Variants in LRRC4C observed in about 807,000 individuals in gnomAD.
LRRC4C encodes leucine-rich repeat-containing protein 4C.
In LRRC4C, 5 loss-of-function variants were observed where a neutral mutation model predicts 33.6. The ratio of observed to expected loss-of-function variants is 0.15; its 90% CI spans 0.08 to 0.31. The LOEUF (loss-of-function observed/expected upper bound fraction) is 0.31. LRRC4C is among the 10% of genes least tolerant of loss of function. LRRC4C has a pLI of 1.00. For synonymous variants in LRRC4C, 329 were observed against 302.0 expected, an observed-to-expected ratio of 1.09 and a Z score of -0.93; for missense variants, 560 against 796.7, an observed-to-expected ratio of 0.70 and a Z score of 3.58.
intron 1 of LRRC4C, among the ~76,000 whole-genome samples, chr11:40,961,729 G>T (rs1256917437): frequency 6.6e-6 from 1 of 151,576 alleles, no homozygotes; most frequent in Non-Finnish European, 1.5e-5. Flanking sequence ...GGAAATTTCT[G>T]TTCTCTCAGG....
intron 3 of LRRC4C, among the ~76,000 whole-genome samples, chr11:40,584,674 G>C (rs1958630455): frequency 6.6e-6 from 1 of 152,144 alleles, no homozygotes; most frequent in Admixed American, 6.5e-5. Context: ...GCTCATGCCT[G>C]TAATCCCAGA....
chr11:40,926,905 T>G (rs1046854130), intron 2 of LRRC4C, among the ~76,000 whole-genome samples: 2 of 152,180 alleles, frequency 1.3e-5, no homozygotes, highest in African/African-American at 4.8e-5. Context: ...TAAGGATGGT[T>G]ATGTTTGTCA....
At chr11:40,779,710 A>C (rs1950142267) in intron 2 of LRRC4C, among the ~76,000 whole-genome samples, 1 of 152,194 alleles carries the variant, frequency 6.6e-6, no homozygotes, top group African/African-American at 2.4e-5. Flanking sequence ...AAACATTGGA[A>C]TATACCCTGG....
At chr11:41,405,786 T>C (rs1322723204) in intron 1 of LRRC4C, among the ~76,000 whole-genome samples, 1 of 152,142 alleles carries the variant, frequency 6.6e-6, no homozygotes, top group African/African-American at 2.4e-5. Flanking sequence ...CTTTAAGTTA[T>C]TGTATTCATT....
intron 1 of LRRC4C, among the ~76,000 whole-genome samples, chr11:41,223,872 G>C (rs991144187): frequency 2.0e-5 from 3 of 152,182 alleles, no homozygotes; most frequent in Non-Finnish European, 4.4e-5. Context: ...GTAGTTGATG[G>C]ATATCATCTC....
intron 3 of LRRC4C, among the ~76,000 whole-genome samples, chr11:40,436,501 A>G (rs2137908761): frequency 6.6e-6 from 1 of 152,314 alleles, no homozygotes; most frequent in African/African-American, 2.4e-5. Flanking sequence ...CTAGGCATAC[A>G]AAGTTGGCAA....
chr11:41,103,662 C>A (rs1941332000), intron 1 of LRRC4C, among the ~76,000 whole-genome samples: 2 of 151,702 alleles, frequency 1.3e-5, no homozygotes, highest in African/African-American at 2.4e-5. Flanking sequence ...CTTAAAACAG[C>A]AAAAAATGCC....
At chr11:40,422,626 C>T (rs1290603279) in intron 3 of LRRC4C, among the ~76,000 whole-genome samples, 1 of 151,510 alleles carries the variant, frequency 6.6e-6, no homozygotes, top group Non-Finnish European at 1.5e-5. Flanking sequence ...CCAAGTTCTA[C>T]GAAAACTGTA....
intron 3 of LRRC4C, among the ~76,000 whole-genome samples, chr11:40,567,395 A>G (rs1393969242): frequency 6.6e-6 from 1 of 152,218 alleles, no homozygotes; most frequent in African/African-American, 2.4e-5. Flanking sequence ...CCAGGCATCA[A>G]GCTATGTGTT....
intron 4 of LRRC4C, among the ~76,000 whole-genome samples, chr11:40,280,262 G>C (rs1240929973): frequency 6.6e-6 from 1 of 152,204 alleles, no homozygotes; most frequent in East Asian, 1.9e-4. Flanking sequence ...CTTTAATACA[G>C]ACAGAGTCTC....
At chr11:40,466,625 A>G (rs1952665923) in intron 3 of LRRC4C, among the ~76,000 whole-genome samples, 1 of 151,978 alleles carries the variant, frequency 6.6e-6, no homozygotes, top group African/African-American at 2.4e-5. Context: ...ACAAAGCCTT[A>G]GAGATATGAA....
At chr11:40,590,061 C>A (rs917717786) in intron 3 of LRRC4C, among the ~76,000 whole-genome samples, 3 of 151,526 alleles carry the variant, frequency 2.0e-5, no homozygotes, top group African/African-American at 7.3e-5. Flanking sequence ...TGGATAATAT[C>A]CTGCAGAGTG....
At chr11:40,337,628 T>C (rs1946685943) in intron 3 of LRRC4C, among the ~76,000 whole-genome samples, 1 of 152,210 alleles carries the variant, frequency 6.6e-6, no homozygotes, top group Admixed American at 6.5e-5. Flanking sequence ...TAATCTGAAA[T>C]AATCTGTTTA....
chr11:40,318,799 A>T (rs1212697801), intron 4 of LRRC4C, among the ~76,000 whole-genome samples: 2 of 152,188 alleles, frequency 1.3e-5, no homozygotes, highest in Non-Finnish European at 2.9e-5. Context: ...TATTTTGTTT[A>T]AAAATAAGTA....
chr11:41,112,958 G>T (rs75560933), intron 1 of LRRC4C, among the ~76,000 whole-genome samples: 2,764 of 152,140 alleles, frequency 0.018, 90 homozygotes, highest in African/African-American at 0.063. Context: ...GCAGGAATTA[G>T]CGTATATTGG....
chr11:41,065,433 G>C (rs1419205408), intron 1 of LRRC4C, among the ~76,000 whole-genome samples: 1 of 152,148 alleles, frequency 6.6e-6, no homozygotes, highest in Non-Finnish European at 1.5e-5. Flanking sequence ...AACTCCCTGG[G>C]ACAGAGAACC....
At chr11:40,127,329 G>A (rs998345904) in intron 6 of LRRC4C, among the ~76,000 whole-genome samples, 1 of 152,016 alleles carries the variant, frequency 6.6e-6, no homozygotes, top group Non-Finnish European at 1.5e-5. Context: ...GGTCTTTAAA[G>A]GAATATAGAT....
At chr11:40,131,939 G>T (rs944663164) in intron 6 of LRRC4C, among the ~76,000 whole-genome samples, 1 of 152,126 alleles carries the variant, frequency 6.6e-6, no homozygotes, top group Non-Finnish European at 1.5e-5. Flanking sequence ...AAATTGTACA[G>T]TACCATCATG....
chr11:40,268,737 T>C (rs1023033373), intron 4 of LRRC4C, among the ~76,000 whole-genome samples: 6 of 152,188 alleles, frequency 3.9e-5, no homozygotes, highest in Non-Finnish European at 7.3e-5. Context: ...AGATTCTGTT[T>C]AGCATGTACT....
Sources: allele counts gnomAD v4.1 joint callset (sites outside exome capture counted in the v4.1 genomes callset), GRCh38; gene constraint gnomAD v4.1.1; transcripts MANE v1.5; gene names NCBI Gene and HGNC (gene_info 2026-07-23, HGNC 2026-07-21).